Variants in MECOM observed in about 807,000 individuals in gnomAD.
MECOM encodes histone-lysine N-methyltransferase MECOM.
In MECOM, 13 loss-of-function variants were observed where a neutral mutation model predicts 116.3. The ratio of observed to expected loss-of-function variants is 0.11; its 90% CI spans 0.07 to 0.18. The LOEUF is 0.18. MECOM is among the 10% of genes least tolerant of loss of function. The pLI is 1.00. For synonymous variants in MECOM, 528 were observed against 535.2 expected, an observed-to-expected ratio of 0.99 and a Z score of 0.19; for missense variants, 1,299 against 1,509.0, an observed-to-expected ratio of 0.86 and a Z score of 2.31.
chr3:169,627,848 A>G (rs1771567937), intron 1 of MECOM, among the ~76,000 whole-genome samples: 1 of 152,236 alleles, frequency 6.6e-6, no homozygotes, highest in Admixed American at 6.5e-5. Flanking sequence ...ATCAGGAAAG[A>G]GGACAAGAAT....
chr3:169,523,152 T>C (rs916261988), intron 1 of MECOM, among the ~76,000 whole-genome samples: 4 of 152,134 alleles, frequency 2.6e-5, no homozygotes, highest in Non-Finnish European at 5.9e-5. Context: ...TAAGTAGAAA[T>C]GCATCCAAAA....
chr3:169,538,757 G>A (rs953880417), intron 1 of MECOM, among the ~76,000 whole-genome samples: 2 of 152,168 alleles, frequency 1.3e-5, no homozygotes, highest in African/African-American at 2.4e-5. Flanking sequence ...AAAGTCAGGA[G>A]TAACTAACTA....
intron 1 of MECOM, among the ~76,000 whole-genome samples, chr3:169,508,145 G>A (rs1278771172): frequency 6.6e-6 from 1 of 152,132 alleles, no homozygotes; most frequent in African/African-American, 2.4e-5. Flanking sequence ...GGCGATAAAT[G>A]GATGGTAATT....
chr3:169,087,688 TA>T (rs58233988), intron 16 of MECOM, among the ~76,000 whole-genome samples: 32,374 of 151,314 alleles, frequency 0.21, 5,558 homozygotes, highest in African/African-American at 0.47. Flanking sequence ...AATCAAGGGT[TA>T]AAAAAAAATA....
At chr3:169,577,594 G>A (rs1209974509) in intron 1 of MECOM, among the ~76,000 whole-genome samples, 1 of 152,054 alleles carries the variant, frequency 6.6e-6, no homozygotes, top group African/African-American at 2.4e-5. Context: ...CATAGTGTTA[G>A]GCCCCATGGA....
intron 2 of MECOM, among the ~76,000 whole-genome samples, chr3:169,321,999 C>G (rs1045712687): frequency 6.6e-6 from 1 of 152,196 alleles, no homozygotes; most frequent in Admixed American, 6.5e-5. Context: ...AAAGGACACA[C>G]AGTTTCTCCA....
At chr3:169,246,029 C>G (rs1310269422) in intron 2 of MECOM, among the ~76,000 whole-genome samples, 1 of 152,056 alleles carries the variant, frequency 6.6e-6, no homozygotes, top group Admixed American at 6.5e-5. Flanking sequence ...GATATTGACC[C>G]TGATTCTGAT....
At position 169,558,998 on chromosome 3, in the gene MECOM, C is replaced by G. The variant is rs530525268; in HGVS notation, c.37+104338G>C. ...AAAGTTACTGATATTCTACAATCCT[C>G]TGTCTTCTCAAAGCATCTACACACA... On this transcript the variant is annotated intron_variant, in intron 1 of 16. Transcript: ENST00000651503. Among the ~76,000 whole-genome samples the G allele has an allele frequency of 2.0e-5, 3 of 151,738 alleles. No homozygotes were observed. In the South Asian group the frequency reaches 6.2e-4, roughly 32 times the overall value.
intron 2 of MECOM, among the ~76,000 whole-genome samples, chr3:169,350,607 T>C (rs897289004): frequency 6.6e-6 from 1 of 152,018 alleles, no homozygotes; most frequent in East Asian, 1.9e-4. Context: ...ATAGGTACAG[T>C]ATTTCAGTCA....
In MECOM at chr3:169,425,290, T is replaced by C. The variant is rs566495227; in HGVS notation, c.38-43766A>G. 3.3e-5 allele frequency among the ~76,000 whole-genome samples: 5 copies of C among 152,292 alleles called. No individual in the cohort carries two copies. The East Asian group carries it at 7.7e-4, about 24-fold the overall frequency. On this transcript the variant is annotated intron_variant, in intron 1 of 16. Coordinates refer to ENST00000651503, the MANE Select transcript of MECOM (RefSeq NM_004991.4). ...AAGAGAGAAGAAATGTGCATGTCCA[T>C]GCTCTTTGCACGAGAAAACGGAGCT...
intron 1 of MECOM, among the ~76,000 whole-genome samples, chr3:169,605,159 C>A (rs1452364197): frequency 6.6e-6 from 1 of 152,052 alleles, no homozygotes; most frequent in Non-Finnish European, 1.5e-5. Flanking sequence ...TTCCTAGACA[C>A]AAAGGTACCA....
intron 1 of MECOM, among the ~76,000 whole-genome samples, chr3:169,598,355 G>T (rs1252401540): frequency 1.3e-5 from 2 of 152,112 alleles, no homozygotes; most frequent in African/African-American, 4.8e-5. Context: ...GAAATAAACA[G>T]CAAGTTATAA....
chr3:169,372,702 T>C (rs1309080598), intron 2 of MECOM, among the ~76,000 whole-genome samples: 2 of 152,060 alleles, frequency 1.3e-5, no homozygotes, highest in African/African-American at 2.4e-5. Flanking sequence ...TGCTGTTGTC[T>C]TGTTAACATT....
chr3:169,129,342 G>A lies in MECOM; in HGVS notation c.614-1282C>T, dbSNP rs73879018. ...GTGCAGCTCACCAGGGGCTTTATAA[G>A]TCTATGCTAAGAAGGAAAACAGCCA... On this transcript the variant is annotated intron_variant, in intron 4 of 16. Transcript: ENST00000651503. Among the ~76,000 whole-genome samples the A allele has an allele frequency of 2.1e-3, 324 of 151,984 alleles. 1 individual carries two copies. The highest frequency in any genetic ancestry group is 7.5e-3 in the African/African-American group (312 of 41,472).
At chr3:169,474,630 T>G (rs1411073769) in intron 1 of MECOM, among the ~76,000 whole-genome samples, 1 of 152,214 alleles carries the variant, frequency 6.6e-6, no homozygotes, top group Non-Finnish European at 1.5e-5. Flanking sequence ...AAGCAGGGTT[T>G]GAGGTTGGCA....
At chr3:169,307,235 T>C (rs1384385207) in intron 2 of MECOM, among the ~76,000 whole-genome samples, 9 of 152,168 alleles carry the variant, frequency 5.9e-5, no homozygotes, top group Non-Finnish European at 1.3e-4. Flanking sequence ...TCTATTACCA[T>C]CACTCTAGTT....
chr3:169,194,629 C>T (rs1272343839), intron 2 of MECOM, among the ~76,000 whole-genome samples: 1 of 151,940 alleles, frequency 6.6e-6, no homozygotes, highest in Non-Finnish European at 1.5e-5. Flanking sequence ...ATCTGGAAAG[C>T]CATATTTGTT....
At chr3:169,377,167 AAAAATT>A (rs1731180493) in intron 2 of MECOM, among the ~76,000 whole-genome samples, 1 of 152,214 alleles carries the variant, frequency 6.6e-6, no homozygotes. Flanking sequence ...TACCCTATAC[AAAAATT>A]AACTCAAGAT....
chr3:169,594,838 T>C (rs1766941008), intron 1 of MECOM, among the ~76,000 whole-genome samples: 1 of 106,328 alleles, frequency 9.4e-6, no homozygotes, highest in African/African-American at 3.5e-5. Flanking sequence ...GGAACACAAA[T>C]AAACGTCACA....
Sources: gnomAD v4.1 joint callset for allele counts (sites outside exome capture counted in the v4.1 genomes callset) on GRCh38, gnomAD v4.1.1 for gene constraint, MANE v1.5 for transcripts, NCBI Gene and HGNC (gene_info 2026-07-23, HGNC 2026-07-21) for gene names.